MED15: variants seen among roughly 807,000 people sequenced by gnomAD.
The protein encoded by MED15 is mediator complex subunit 15.
Under a neutral mutation model 118.7 loss-of-function variants are expected in MED15, and 41 were observed. That is an observed-to-expected ratio of 0.35 (90% CI 0.27 to 0.45). The LOEUF (loss-of-function observed/expected upper bound fraction) is 0.45, where lower values mean the gene tolerates loss of function less well. Ranked by LOEUF, MED15 falls within the 20% of genes least tolerant of loss-of-function variation. MED15 has a pLI of 1.00. For missense variants in MED15, 740 were observed against 1,025.5 expected (o/e 0.72, Z 3.80); for synonymous variants, 436 against 413.9 (o/e 1.05, Z -0.65).
intron 9 of MED15, among the ~76,000 whole-genome samples, chr22:20,578,010 C>T (rs1034993381): frequency 6.6e-6 from 1 of 152,130 alleles, no homozygotes. Flanking sequence ...CTGCAACCTC[C>T]ACCTCCCAGC....
chr22:20,521,086 CTAT>C (rs1206045496), intron 1 of MED15, among the ~76,000 whole-genome samples: 6 of 100,704 alleles, frequency 6.0e-5, no homozygotes, highest in African/African-American at 2.5e-4. Flanking sequence ...AGCAGTTGTT[CTAT>C]TTTTTTTTTT....
chr22:20,586,134 C>T (rs765674045), intron 17 of MED15, among the ~76,000 whole-genome samples: 12 of 152,340 alleles, frequency 7.9e-5, no homozygotes, highest in Non-Finnish European at 1.3e-4. Flanking sequence ...GGACAGTCCC[C>T]GCTCTTCCCA....
rs563425887 is a variant in MED15, at chr22:20,584,620, C to T, written c.1803+195C>T. 21 of 810,086 alleles carry T rather than the reference C, an allele frequency of 2.6e-5. 1 individual carries two copies. The South Asian group carries it at 3.3e-4, about 13-fold the overall frequency. The allele number at this position is 810,086 out of a possible 1,614,324, so 50.2% of individuals were successfully genotyped here. A position where few individuals can be genotyped will look rare whatever the true frequency, so the allele number is the denominator to read the frequency against. On this transcript the variant is annotated intron_variant, in intron 14 of 17. Coordinates refer to ENST00000263205, the MANE Select transcript of MED15 (RefSeq NM_001003891.3). ...GGGAGAAGTCACCCTCTGTCTACGG[C>T]CCCCGTGGGTGCCTCCTTCACCCAT...
chr22:20,583,770 T>G, intron 13 of MED15: 1 of 276,584 alleles, frequency 3.6e-6, no homozygotes, highest in South Asian at 5.1e-5. Context: ...CGACTGCATC[T>G]CAGTTACCCC....
intron 2 of MED15, among the ~76,000 whole-genome samples, chr22:20,541,644 C>T (rs1331567200): frequency 2.3e-5 from 3 of 132,688 alleles, no homozygotes; most frequent in African/African-American, 8.6e-5. Context: ...CCATCACACC[C>T]AGCTAATTTT....
At chr22:20,521,100 T>A (rs2054435014) in intron 1 of MED15, among the ~76,000 whole-genome samples, 1 of 135,790 alleles carries the variant, frequency 7.4e-6, no homozygotes, top group Non-Finnish European at 1.6e-5. Context: ...TTTTTTTTTT[T>A]TTTTTTTTTT....
intron 1 of MED15, among the ~76,000 whole-genome samples, chr22:20,532,524 G>C (rs981053243): frequency 6.6e-6 from 1 of 152,222 alleles, no homozygotes; most frequent in African/African-American, 2.4e-5. Context: ...TGAGTACACA[G>C]ACATAGCTAT....
intron 1 of MED15, chr22:20,523,002 C>G (rs1302437107): frequency 1.3e-5 from 2 of 152,182 alleles, no homozygotes; most frequent in Non-Finnish European, 2.9e-5. Context: ...GTACTTCGTT[C>G]CATTCCGGAT....
intron 1 of MED15, among the ~76,000 whole-genome samples, chr22:20,521,528 C>T (rs568855672): frequency 2.0e-5 from 3 of 150,826 alleles, no homozygotes; most frequent in African/African-American, 7.3e-5. Context: ...GGACTACAGG[C>T]GCCCATCACC....
chr22:20,537,628 C>T (rs891578457), intron 2 of MED15, among the ~76,000 whole-genome samples: 3 of 152,248 alleles, frequency 2.0e-5, no homozygotes, highest in Non-Finnish European at 2.9e-5. Flanking sequence ...TCCCCTTTTG[C>T]TAAGTGAAGA....
At chr22:20,542,988 C>T (rs2055370401) in intron 2 of MED15, among the ~76,000 whole-genome samples, 1 of 152,096 alleles carries the variant, frequency 6.6e-6, no homozygotes, top group Non-Finnish European at 1.5e-5. Context: ...ACTTTCCTAA[C>T]AGTAAATCTC....
At position 20,551,479 on chromosome 22, in the gene MED15, G is replaced by C; in HGVS notation, c.200G>C (p.Arg67Pro). ...GTGGCCAGGCTCATTATCCATTTTC[G>C]AGACATTCGTAAGTAAGATTTTGCA... is the stretch of plus-strand genomic sequence containing the variant. ...SLVARLIIHF[R>P]DIHNKKSQAS... Residue 67 changes from arginine to proline, a missense_variant, in exon 3 of 18, where the codon CGA becomes CCA. By Grantham distance (103) the Arg-to-Pro change is moderately radical. Around this residue, in one of 7 missense-constraint regions of MED15, gnomAD observed 33 missense variants for 78.2 expected, o/e 0.42. Transcript: ENST00000263205. The C allele has an allele frequency of 6.2e-7, 1 of 1,614,000 alleles. No homozygotes were observed. Among genetic ancestry groups the C allele is most frequent in the Non-Finnish European group, 8.5e-7 (1 of 1,179,896 alleles).
rs150845568 is a variant in MED15 at position 20,553,740 on chromosome 22, C to T, written c.238+566C>T. 9.5e-4 allele frequency among the ~76,000 whole-genome samples: 145 copies of T among 152,168 alleles called. 1 individual carries two copies. Among genetic ancestry groups the T allele is most frequent in the African/African-American group, 3.3e-3 (136 of 41,494 alleles). ...ATACAAAAATAGCCGGGTGTGGTGGCATGCGTTGTAGTCCCAACTACTCAG... is the reference window on the plus strand; with the variant it reads ...ATACAAAAATAGCCGGGTGTGGTGGTATGCGTTGTAGTCCCAACTACTCAG... On this transcript the variant is annotated intron_variant, in intron 4 of 17. Coordinates refer to ENST00000263205, the MANE Select transcript of MED15 (RefSeq NM_001003891.3).
Position 20,582,637 on chromosome 22 carries a change from G to C in MED15, c.1299G>C (p.Leu433=). 2 of 1,575,302 alleles carry C rather than the reference G, an allele frequency of 1.3e-6. No homozygotes were observed. Among genetic ancestry groups the C allele is most frequent in the Non-Finnish European group, 1.7e-6 (2 of 1,167,130 alleles). ...AQVSQSSLPM[L]SSPSPGQQVQ... is the part of the protein sequence containing the mutation. The stretch of plus-strand genomic sequence containing the variant: ...TCAGCCAGAGCAGCCTCCCCATGCT[G>C]TCCTCGCCGTCACCGGGCCAGCAGG... The change falls in exon 10 of 18, where the codon CTG becomes CTC. Residue 433 remains leucine, a synonymous_variant. Coordinates refer to ENST00000263205, the MANE Select transcript of MED15 (RefSeq NM_001003891.3).
At chr22:20,518,619 CT>C (rs1569170647) in intron 1 of MED15, among the ~76,000 whole-genome samples, 1 of 152,162 alleles carries the variant, frequency 6.6e-6, no homozygotes, top group Non-Finnish European at 1.5e-5. Flanking sequence ...TTGGAAATTC[CT>C]TGAGTGTGGG....
chr22:20,585,369 C>T, intron 16 of MED15, 102 bp downstream of exon 16: 4 of 1,442,408 alleles, frequency 2.8e-6, no homozygotes, highest in Non-Finnish European at 3.8e-6. Context: ...CAGAACCCAC[C>T]CTGTGTTCAC....
chr22:20,549,217 C>T (rs754958600), intron 2 of MED15, among the ~76,000 whole-genome samples: 58 of 152,238 alleles, frequency 3.8e-4, no homozygotes, highest in Non-Finnish European at 1.0e-4. Flanking sequence ...TTGATGACTC[C>T]TGTGTCTGGC....
Position 20,584,884 on chromosome 22 carries a change from G to T in MED15, c.1833G>T (p.Pro611=). 1.9e-6 allele frequency: 3 copies of T among 1,612,834 alleles called. No homozygotes were observed. Among genetic ancestry groups the T allele is most frequent in the Non-Finnish European group, 2.5e-6 (3 of 1,179,774 alleles). The change falls in exon 15 of 18, where the codon CCG becomes CCT. Residue 611 remains proline (P), a synonymous_variant. Transcript: ENST00000263205. ...CTCCCCCACCGCCCCCGGTGCCACCGACCAAACAGCAGTACCTATGCCAGC... is the reference window on the plus strand; with the variant it reads ...CTCCCCCACCGCCCCCGGTGCCACCTACCAAACAGCAGTACCTATGCCAGC... ...VPTPPPPPVP[P]TKQQYLCQPL... is the part of the protein sequence containing the mutation.
At chr22:20,564,419 GGACT>G (rs765182669) in intron 5 of MED15, 27 bp from the exon 6 acceptor site, 14 of 1,612,568 alleles carry the variant, frequency 8.7e-6, no homozygotes, top group African/African-American at 4.0e-5. Context: ...TCTGCCCTGT[GGACT>G]GACTGGCGAC....
Sources: gnomAD v4.1 joint callset for allele counts (sites outside exome capture counted in the v4.1 genomes callset) on GRCh38, gnomAD v4.1.1 for gene constraint, gnomAD v4.1.1 regional missense constraint, MANE v1.5 for transcripts, NCBI Gene and HGNC (gene_info 2026-07-23, HGNC 2026-07-21) for gene names.